The following FILIP1 variants were observed in gnomAD, a reference collection of about 807,000 sequenced individuals.
FILIP1 encodes filamin A interacting protein 1, also known as filamin-A-interacting protein 1.
Under a neutral mutation model 102.1 loss-of-function variants are expected in FILIP1, and 61 were observed. That is an observed-to-expected ratio of 0.60 (90% confidence interval 0.49 to 0.74). The LOEUF (loss-of-function observed/expected upper bound fraction) is 0.74, where lower values mean the gene tolerates loss of function less well. FILIP1 is among the 30% of genes least tolerant of loss of function. The probability of loss-of-function intolerance (pLI) is 0.00; values close to 1 mark genes in which losing one functional copy is unlikely to be tolerated. For synonymous variants in FILIP1, 491 were observed against 526.9 expected (o/e 0.93, Z 0.93); for missense variants, 1,314 against 1,441.2 (o/e 0.91, Z 1.43).
intron 1 of FILIP1, among the ~76,000 whole-genome samples, chr6:75,427,652 C>A (rs1562584516): frequency 6.6e-6 from 1 of 152,130 alleles, no homozygotes; most frequent in African/African-American, 2.4e-5. Flanking sequence ...AACCTCCTTA[C>A]TTTAGACACA....
chr6:75,431,644 A>C (rs772361726), intron 1 of FILIP1, among the ~76,000 whole-genome samples: 3 of 152,176 alleles, frequency 2.0e-5, no homozygotes, highest in Admixed American at 6.5e-5. Flanking sequence ...GACAAACCAG[A>C]GTGAGGGTGT....
chr6:75,357,779 G>C (rs1775052462), intron 3 of FILIP1, among the ~76,000 whole-genome samples: 1 of 152,070 alleles, frequency 6.6e-6, no homozygotes, highest in African/African-American at 2.4e-5. Flanking sequence ...TTTTTTGTTT[G>C]GAACTACATC....
intron 1 of FILIP1, among the ~76,000 whole-genome samples, chr6:75,488,852 C>T (rs1779870638): frequency 6.6e-6 from 1 of 152,076 alleles, no homozygotes; most frequent in African/African-American, 2.4e-5. Flanking sequence ...TATGAGATAA[C>T]ACTTTTTGTT....
At chr6:75,430,725 A>C (rs1415022969) in intron 1 of FILIP1, among the ~76,000 whole-genome samples, 1 of 152,224 alleles carries the variant, frequency 6.6e-6, no homozygotes, top group Admixed American at 6.5e-5. Context: ...AGGATTAACT[A>C]GACCTAATCC....
intron 3 of FILIP1, among the ~76,000 whole-genome samples, chr6:75,356,040 C>G (rs982666000): frequency 6.6e-6 from 1 of 152,176 alleles, no homozygotes; most frequent in African/African-American, 2.4e-5. Flanking sequence ...CTGACATTGC[C>G]AAATGTTCCC....
chr6:75,292,237 C>T (rs1772562849), exon 7 of FILIP1: 1 of 152,164 alleles, frequency 6.6e-6, no homozygotes, highest in Non-Finnish European at 1.5e-5. Context: ...TATCTGGCCA[C>T]ATTATAAGCC....
intron 4 of FILIP1, among the ~76,000 whole-genome samples, chr6:75,349,706 C>A (rs563643298): frequency 6.6e-6 from 1 of 152,306 alleles, no homozygotes; most frequent in South Asian, 2.1e-4. Flanking sequence ...GCTTCCCCTG[C>A]AGGTGCTGTG....
chr6:75,450,652 GAAAAAAA>G lies in FILIP1; in HGVS notation c.-6-35681_-6-35675del, dbSNP rs201690421. On this transcript the variant is annotated intron_variant, in intron 1 of 5. Transcript: ENST00000237172. ...GAATAAGAACTTCTCTCTTAAAAAAGAAAAAAAAAAAAAAAAAGAGTGGCTGGGCACG... is the reference window on the plus strand; with the variant it reads ...GAATAAGAACTTCTCTCTTAAAAAAGAAAAAAAAAAGAGTGGCTGGGCACG... Among the ~76,000 whole-genome samples the G allele has an allele frequency of 0.014, 1,264 of 91,168 alleles. 51 individuals are homozygous for G. The East Asian group carries it at 0.17, about 12-fold the overall frequency. 59.8% of individuals were successfully genotyped at this position (91,168 alleles called of 152,430 possible). A position where few individuals can be genotyped will look rare whatever the true frequency, so the allele number is the denominator to read the frequency against.
chr6:75,466,869 C>T (rs1349742826), intron 1 of FILIP1, among the ~76,000 whole-genome samples: 1 of 152,194 alleles, frequency 6.6e-6, no homozygotes, highest in Non-Finnish European at 1.5e-5. Context: ...TGAATAGCCA[C>T]ATGTGGTTAC....
chr6:75,442,359 T>G (rs932002849), intron 1 of FILIP1, among the ~76,000 whole-genome samples: 99 of 152,022 alleles, frequency 6.5e-4, no homozygotes, highest in Non-Finnish European at 1.3e-3. Flanking sequence ...GGTGGCGGCC[T>G]GGCAGAGGCT....
chr6:75,363,071 C>T, intron 2 of FILIP1, 154 bp from the exon 3 acceptor site: 1 of 626,682 alleles, frequency 1.6e-6, no homozygotes, highest in South Asian at 2.7e-5. Flanking sequence ...TTTTTTTAAC[C>T]AAAAGCAGAT....
chr6:75,408,826 A>G lies in FILIP1; in HGVS notation c.276+5871T>C. Among the ~76,000 whole-genome samples the G allele has an allele frequency of 1.3e-5, 2 of 152,052 alleles. 1 individual carries two copies. ...TCACCCTATTTCTTTCTAGCTGGAGATGTGATCCCCCCAAAGCCTGCACTG... is the reference window on the plus strand; with the variant it reads ...TCACCCTATTTCTTTCTAGCTGGAGGTGTGATCCCCCCAAAGCCTGCACTG... On this transcript the variant is annotated intron_variant, in intron 2 of 5. Coordinates refer to ENST00000237172, the MANE Select transcript of FILIP1 (RefSeq NM_015687.5).
chr6:75,360,360 CT>C (rs1775135992), intron 3 of FILIP1, among the ~76,000 whole-genome samples: 1 of 152,054 alleles, frequency 6.6e-6, no homozygotes. Flanking sequence ...TGCATGTGTC[CT>C]AATAATTCTT....
chr6:75,372,712 AGGAAAGAAAGAGAAAG>A (rs1562515266), intron 2 of FILIP1, among the ~76,000 whole-genome samples: 6 of 53,932 alleles, frequency 1.1e-4, no homozygotes, highest in African/African-American at 5.3e-4. Flanking sequence ...AAAGAAAGAA[AGGAAAGAAAGAGAAAG>A]AGAAAGAAAG....
chr6:75,484,132 T>C (rs745369871), intron 1 of FILIP1, among the ~76,000 whole-genome samples: 22 of 152,118 alleles, frequency 1.4e-4, no homozygotes, highest in Non-Finnish European at 2.2e-4. Flanking sequence ...GGTGCGGTCA[T>C]AGAAAGGGAC....
intron 2 of FILIP1, among the ~76,000 whole-genome samples, chr6:75,407,737 G>C (rs1314528899): frequency 6.6e-6 from 1 of 152,004 alleles, no homozygotes; most frequent in Non-Finnish European, 1.5e-5. Flanking sequence ...CAGGCAGAAG[G>C]GAGCTAACTA....
intron 2 of FILIP1, among the ~76,000 whole-genome samples, chr6:75,374,685 G>A (rs1488391157): frequency 6.6e-6 from 1 of 152,106 alleles, no homozygotes; most frequent in Non-Finnish European, 1.5e-5. Context: ...GGGCCAGTGA[G>A]AAGCTGAATT....
intron 1 of FILIP1, among the ~76,000 whole-genome samples, chr6:75,424,367 C>T (rs2951927): frequency 1.3e-5 from 2 of 152,080 alleles, no homozygotes; most frequent in South Asian, 2.1e-4. Flanking sequence ...TTTATTTGTG[C>T]AATAACTCTT....
chr6:75,405,233 C>T (rs1776799913), intron 2 of FILIP1, among the ~76,000 whole-genome samples: 1 of 152,050 alleles, frequency 6.6e-6, no homozygotes, highest in African/African-American at 2.4e-5. Flanking sequence ...TTTAAAAATC[C>T]CATGTTTCAC....
Sources: gnomAD v4.1 joint callset for allele counts (sites outside exome capture counted in the v4.1 genomes callset) on GRCh38, gnomAD v4.1.1 for gene constraint, MANE v1.5 for transcripts, NCBI Gene and HGNC (gene_info 2026-07-23, HGNC 2026-07-21) for gene names.